The following TSEN15 variants were observed in gnomAD, a reference collection of about 807,000 sequenced individuals.
TSEN15 encodes the protein tRNA splicing endonuclease subunit 15, also known as tRNA-splicing endonuclease subunit Sen15.
In TSEN15, 10 loss-of-function variants were observed where a neutral mutation model predicts 20.5. The observed-to-expected ratio is 0.49, with a 90% CI of 0.30 to 0.83. The LOEUF (loss-of-function observed/expected upper bound fraction) is 0.83. TSEN15 is among the 40% of genes least tolerant of loss of function. The pLI is 0.06. For synonymous variants in TSEN15, 72 were observed against 80.1 expected (o/e 0.90, Z 0.54); for missense variants, 180 against 218.6 (o/e 0.82, Z 1.11).
rs1208167735 is a variant in TSEN15, at chr1:184,063,637, A to T, written c.354-8520A>T. Among the ~76,000 whole-genome samples, 3 of 152,106 alleles carry T rather than the reference A, an allele frequency of 2.0e-5. No homozygotes were observed. The East Asian group carries it at 5.8e-4, about 29-fold the overall frequency. ...AGTTATTTTTTCTTTGTCAGAATTA[A>T]TTTTTCCCAATATAGCTTTTAAAGA... On this transcript the variant is annotated intron_variant, in intron 3 of 4. Transcript: ENST00000645668.
chr1:184,055,016 A>G (rs942764126), intron 3 of TSEN15, 153 bp downstream of exon 3: 1 of 806,124 alleles, frequency 1.2e-6, no homozygotes, highest in Non-Finnish European at 1.9e-6. Context: ...TGAGTGTTGT[A>G]TTCGGCCATT....
chr1:184,060,239 G>A (rs1395975351), intron 3 of TSEN15, among the ~76,000 whole-genome samples: 1 of 152,238 alleles, frequency 6.6e-6, no homozygotes, highest in Non-Finnish European at 1.5e-5. Flanking sequence ...CTTTTGAACA[G>A]AACTACAGCT....
At chr1:184,079,608 A>G (rs765752186) in intron 3 of TSEN15, among the ~76,000 whole-genome samples, 11 of 152,300 alleles carry the variant, frequency 7.2e-5, no homozygotes, top group Non-Finnish European at 1.5e-4. Context: ...GTGCAAGTGC[A>G]TGCTGTCTGG....
rs142428364 is a variant in TSEN15 at position 184,067,471 on chromosome 1, C to T, written c.354-4686C>T. Reference sequence around the variant, plus strand: ...ATATCCCTGGGGTCTAACCTGGTACCTGGTACATGGTGCTAAGTAAGTATT... The same window carrying T: ...ATATCCCTGGGGTCTAACCTGGTACTTGGTACATGGTGCTAAGTAAGTATT... On this transcript the variant is annotated intron_variant, in intron 3 of 4. Transcript: ENST00000645668. Among the ~76,000 whole-genome samples, 466 of 152,224 alleles carry T rather than the reference C, an allele frequency of 3.1e-3. 2 individuals carry two copies. The highest frequency in any genetic ancestry group is 7.3e-3 in the African/African-American group (304 of 41,532).
chr1:184,067,121 T>G (rs1650695416), intron 3 of TSEN15, among the ~76,000 whole-genome samples: 1 of 152,222 alleles, frequency 6.6e-6, no homozygotes, highest in Non-Finnish European at 1.5e-5. Context: ...CCTTGTATCC[T>G]GTAACCTTGC....
At chr1:184,075,091 G>A (rs1368863506), downstream of TSEN15, among the ~76,000 whole-genome samples, 3 of 152,054 alleles carry the variant, frequency 2.0e-5, no homozygotes, top group South Asian at 2.1e-4. Flanking sequence ...TTTGTGTGTC[G>A]GATCTGTTGA....
intron 3 of TSEN15, among the ~76,000 whole-genome samples, chr1:184,082,691 C>A (rs1307578291): frequency 6.6e-6 from 1 of 152,086 alleles, no homozygotes; most frequent in African/African-American, 2.4e-5. Flanking sequence ...TACTTTTTAT[C>A]CCCAACAGGT....
intron 3 of TSEN15, among the ~76,000 whole-genome samples, chr1:184,067,982 A>C (rs1291446963): frequency 1.4e-5 from 2 of 142,764 alleles, no homozygotes; most frequent in East Asian, 2.0e-4. Flanking sequence ...GTACATATGT[A>C]TGTATCTGCA....
intron 3 of TSEN15, among the ~76,000 whole-genome samples, chr1:184,063,019 A>G (rs951956123): frequency 6.6e-6 from 1 of 152,106 alleles, no homozygotes; most frequent in Admixed American, 6.5e-5. Flanking sequence ...TAATACGTGA[A>G]TCATTCATCC....
exon 4 of TSEN15, chr1:184,095,805 T>C (rs189583006): frequency 5.0e-6 from 2 of 398,404 alleles, no homozygotes; most frequent in Non-Finnish European, 8.8e-6. Context: ...GGATTTCTAG[T>C]GTCCAGAACT....
chr1:184,095,553 G>C, intron 3 of TSEN15: 1 of 394,338 alleles, frequency 2.5e-6, no homozygotes, highest in Admixed American at 4.4e-5. Context: ...ATGAGAGTGG[G>C]GCCTTAATCC....
chr1:184,072,086 T>C (rs1159301313), intron 3 of TSEN15, 71 bp from the exon 4 acceptor site: 2 of 1,472,304 alleles, frequency 1.4e-6, no homozygotes, highest in African/African-American at 2.9e-5. Context: ...AGTTTTCTAG[T>C]GCTTTCTTCT....
At chr1:184,079,322 T>C (rs1171826011) in intron 3 of TSEN15, among the ~76,000 whole-genome samples, 1 of 152,196 alleles carries the variant, frequency 6.6e-6, no homozygotes, top group Non-Finnish European at 1.5e-5. Context: ...AAGTATTTTA[T>C]TAAAGGTTAT....
At position 184,063,601 on chromosome 1, in the gene TSEN15, C is replaced by T. The variant is rs141052488; in HGVS notation, c.354-8556C>T. Among the ~76,000 whole-genome samples, 865 of 152,132 alleles carry T rather than the reference C, an allele frequency of 5.7e-3. 6 individuals carry two copies. Among genetic ancestry groups the T allele is most frequent in the African/African-American group, 0.02 (815 of 41,504 alleles). On this transcript the variant is annotated intron_variant, in intron 3 of 4. Coordinates refer to ENST00000645668, the MANE Select transcript of TSEN15 (RefSeq NM_052965.4). ...CTCTCTTTTCCTCATACATTGAATC[C>T]GATGAATTTTAGTTATTTTTTCTTT...
chr1:184,052,005 T>A, intron 1 of TSEN15, 115 bp downstream of exon 1: 1 of 1,108,286 alleles, frequency 9.0e-7, no homozygotes, highest in Non-Finnish European at 1.2e-6. Flanking sequence ...CGCGCCACCC[T>A]CACCGAGGGG....
rs71130650 is a variant in TSEN15, at chr1:184,067,924, C to CAAAA, written c.354-4218_354-4215dup. Among the ~76,000 whole-genome samples, 45 of 54,826 alleles carry CAAAA rather than the reference C, an allele frequency of 8.2e-4. 1 individual carries two copies. Among genetic ancestry groups the CAAAA allele is most frequent in the African/African-American group, 3.1e-3 (33 of 10,728 alleles). 36.0% of individuals were successfully genotyped at this position (54,826 alleles called of 152,430 possible). A position where few individuals can be genotyped will look rare whatever the true frequency, so the allele number is the denominator to read the frequency against. On this transcript the variant is annotated intron_variant, in intron 3 of 4. Coordinates refer to ENST00000645668, the MANE Select transcript of TSEN15 (RefSeq NM_052965.4). ...GGTGACAGAGCGAGACTCTCTCTCTCAAAAAAAAAAAAAAAAAATATATAT... is the reference window on the plus strand; with the variant it reads ...GGTGACAGAGCGAGACTCTCTCTCTCAAAAAAAAAAAAAAAAAAAAAATATATAT...
At chr1:184,059,137 T>C (rs1650355320) in intron 3 of TSEN15, among the ~76,000 whole-genome samples, 1 of 152,118 alleles carries the variant, frequency 6.6e-6, no homozygotes, top group African/African-American at 2.4e-5. Context: ...CCTTCACTTA[T>C]TTTGTAGCTA....
At chr1:184,075,346 C>T (rs1383862157), downstream of TSEN15, among the ~76,000 whole-genome samples, 6 of 152,220 alleles carry the variant, frequency 3.9e-5, no homozygotes, top group South Asian at 1.0e-3. Flanking sequence ...GTGTATGTCT[C>T]ATTTTAATGA....
intron 3 of TSEN15, among the ~76,000 whole-genome samples, chr1:184,057,315 T>A (rs1650284265): frequency 6.6e-6 from 1 of 151,458 alleles, no homozygotes; most frequent in Non-Finnish European, 1.5e-5. Context: ...CCTCTGAGAG[T>A]GGGGTATGGG....
Sources: allele counts gnomAD v4.1 joint callset (sites outside exome capture counted in the v4.1 genomes callset), GRCh38; gene constraint gnomAD v4.1.1; transcripts MANE v1.5; gene names NCBI Gene and HGNC (gene_info 2026-07-23, HGNC 2026-07-21).